The following CDC42BPA variants were observed in gnomAD, a reference collection of about 807,000 sequenced individuals.
CDC42BPA encodes the protein serine/threonine-protein kinase MRCK alpha.
In CDC42BPA, 80 loss-of-function variants were observed where a neutral mutation model predicts 223.5. That is an observed-to-expected ratio of 0.36 (90% confidence interval 0.30 to 0.43). The LOEUF (loss-of-function observed/expected upper bound fraction) is 0.43. Among genes scored for constraint, CDC42BPA ranks in the 20% least tolerant of loss-of-function variants. The probability of loss-of-function intolerance (pLI) is 1.00; values close to 1 mark genes in which losing one functional copy is unlikely to be tolerated. For missense variants in CDC42BPA, 1,743 were observed against 2,099.9 expected (o/e 0.83, Z 3.32); for synonymous variants, 694 against 718.6 (o/e 0.97, Z 0.55).
chr1:227,023,437 A>C, intron 31 of CDC42BPA, 90 bp from the exon 32 acceptor site: 1 of 592,152 alleles, frequency 1.7e-6, no homozygotes. Context: ...ACACCTTATT[A>C]AGACTTCTCA....
chr1:227,071,192 T>C (rs1011734178), intron 20 of CDC42BPA, among the ~76,000 whole-genome samples: 3 of 151,896 alleles, frequency 2.0e-5, no homozygotes, highest in African/African-American at 7.2e-5. Context: ...TTAGCTTCTT[T>C]ATGTGATTAC....
Position 226,990,426 on chromosome 1 carries a change from A to G in CDC42BPA, c.*3842T>C, listed in dbSNP as rs3768425. 0.39 allele frequency: 58,716 copies of G among 152,034 alleles called. 11,841 individuals carry two copies. The highest frequency in any genetic ancestry group is 0.46 in the Non-Finnish European group (31,348 of 67,986). 9.4% of individuals were successfully genotyped at this position (152,034 alleles called of 1,614,324 possible). A position where few individuals can be genotyped will look rare whatever the true frequency, so the allele number is the denominator to read the frequency against. ...GAGTAACAAAGTCATAAGGAAAGAG[A>G]TTTTAAAATGGGCTCCATGAAATGC... On this transcript the variant is annotated 3_prime_UTR_variant, in exon 37 of 37. Coordinates refer to ENST00000366766, the MANE Select transcript of CDC42BPA (RefSeq NM_001394014.1).
chr1:227,180,359 A>C (rs1351014797), intron 5 of CDC42BPA: 1 of 152,212 alleles, frequency 6.6e-6, no homozygotes, highest in Non-Finnish European at 1.5e-5. Context: ...ATGAAATGAC[A>C]GGTGATCTAA....
At chr1:227,203,583 T>TC (rs1054436030) in intron 3 of CDC42BPA, among the ~76,000 whole-genome samples, 1 of 151,732 alleles carries the variant, frequency 6.6e-6, no homozygotes, top group Non-Finnish European at 1.5e-5. Context: ...AAACAATATC[T>TC]CCCCCCTTTA....
chr1:227,279,034 TG>T (rs1327008589), intron 1 of CDC42BPA, among the ~76,000 whole-genome samples: 1 of 152,062 alleles, frequency 6.6e-6, no homozygotes, highest in African/African-American at 2.4e-5. Flanking sequence ...CTTACTGTCT[TG>T]TAATTTTTTT....
chr1:227,091,227 A>C (rs866713024), intron 16 of CDC42BPA, among the ~76,000 whole-genome samples: 2 of 152,190 alleles, frequency 1.3e-5, no homozygotes, highest in Non-Finnish European at 2.9e-5. Context: ...AGAGTAAGAA[A>C]GAGAACAGAT....
chr1:227,136,208 C>G (rs1158228823), intron 10 of CDC42BPA, among the ~76,000 whole-genome samples: 1 of 152,002 alleles, frequency 6.6e-6, no homozygotes, highest in Non-Finnish European at 1.5e-5. Context: ...CTGAGAGAAT[C>G]AAATGAATAA....
rs1428216872 is a variant in CDC42BPA, at chr1:227,060,024, TTTTTTG to T, written c.2905-8045_2905-8040del. Among the ~76,000 whole-genome samples the T allele has an allele frequency of 4.4e-4, 36 of 81,734 alleles. 1 individual carries two copies. Among genetic ancestry groups the T allele is most frequent in the South Asian group, 7.9e-4 (2 of 2,538 alleles). The allele number at this position is 81,734 out of a possible 152,430, so 53.6% of individuals were successfully genotyped here. ...AAGGAACAATTATCTCAAAAAGTTT[TTTTTTG>T]TTTTTTTTTTTTTTTTTTGAGACGG... On this transcript the variant is annotated intron_variant, in intron 21 of 36. Transcript: ENST00000366766.
At chr1:227,307,128 G>A (rs1391201031) in intron 1 of CDC42BPA, among the ~76,000 whole-genome samples, 1 of 152,146 alleles carries the variant, frequency 6.6e-6, no homozygotes, top group African/African-American at 2.4e-5. Flanking sequence ...TAGCTTAGCA[G>A]GTGCATCTTT....
intron 5 of CDC42BPA, among the ~76,000 whole-genome samples, chr1:227,179,677 A>G (rs1667611770): frequency 6.8e-6 from 1 of 146,640 alleles, no homozygotes; most frequent in Admixed American, 6.8e-5. Context: ...TTAAAAGACT[A>G]TTTACAATTT....
At chr1:227,072,754 T>C (rs1255997893) in intron 19 of CDC42BPA, among the ~76,000 whole-genome samples, 2 of 152,092 alleles carry the variant, frequency 1.3e-5, no homozygotes, top group Non-Finnish European at 2.9e-5. Flanking sequence ...AGTAAGTTTA[T>C]AATTTTTCAA....
intron 1 of CDC42BPA, among the ~76,000 whole-genome samples, chr1:227,255,544 C>T (rs12410327): frequency 3.3e-5 from 5 of 152,074 alleles, no homozygotes; most frequent in African/African-American, 1.2e-4. Context: ...TCCTTAGCTA[C>T]ACAGGAGGCT....
intron 21 of CDC42BPA, among the ~76,000 whole-genome samples, chr1:227,060,563 A>C (rs961993238): frequency 3.9e-5 from 6 of 152,110 alleles, no homozygotes; most frequent in Non-Finnish European, 7.4e-5. Flanking sequence ...GGGACAGAGA[A>C]GATTTTCTTG....
chr1:227,316,594 T>A (rs1487727748), intron 1 of CDC42BPA, among the ~76,000 whole-genome samples: 1 of 152,212 alleles, frequency 6.6e-6, no homozygotes, highest in East Asian at 1.9e-4. Flanking sequence ...TATTTTAATA[T>A]CTCCTCCTAT....
chr1:227,295,275 C>T (rs1690473710), intron 1 of CDC42BPA, among the ~76,000 whole-genome samples: 2 of 152,132 alleles, frequency 1.3e-5, no homozygotes, highest in Non-Finnish European at 2.9e-5. Flanking sequence ...ATCCTCCCAC[C>T]TTAGCCTCCA....
chr1:227,210,374 C>T (rs1032963808), intron 3 of CDC42BPA, among the ~76,000 whole-genome samples: 1 of 152,088 alleles, frequency 6.6e-6, no homozygotes, highest in South Asian at 2.1e-4. Flanking sequence ...TCCTGAGGTC[C>T]CTAGCTGGTC....
chr1:227,213,223 G>T lies in CDC42BPA; in HGVS notation c.271-4C>A. On this transcript the variant is annotated splice_polypyrimidine_tract_variant and splice_region_variant and intron_variant, in intron 2 of 36. Transcript: ENST00000366766. ...TTTTTAGTTTTACTACAGCAACCTA[G>T]AAAAGATAAAGGAAATATAAATTTT... 7.2e-7 allele frequency: 1 copy of T among 1,385,884 alleles called. No homozygotes were observed. The highest frequency in any genetic ancestry group is 1.4e-5 in the African/African-American group (1 of 69,266). 85.8% of individuals were successfully genotyped at this position (1,385,884 alleles called of 1,614,324 possible).
intron 1 of CDC42BPA, among the ~76,000 whole-genome samples, chr1:227,298,731 C>CAG (rs1691132977): frequency 6.6e-6 from 1 of 152,222 alleles, no homozygotes; most frequent in African/African-American, 2.4e-5. Flanking sequence ...CAGACAGCAG[C>CAG]CGCTCAGTGG....
At chr1:227,188,326 T>C (rs1310434134) in intron 5 of CDC42BPA, among the ~76,000 whole-genome samples, 1 of 152,052 alleles carries the variant, frequency 6.6e-6, no homozygotes, top group African/African-American at 2.4e-5. Flanking sequence ...CTGAGATTAG[T>C]TGTAAATTTA....
Sources: gnomAD v4.1 joint callset for allele counts (sites outside exome capture counted in the v4.1 genomes callset) on GRCh38, gnomAD v4.1.1 for gene constraint, MANE v1.5 for transcripts, NCBI Gene and HGNC (gene_info 2026-07-23, HGNC 2026-07-21) for gene names.